ZNF730: variants seen among roughly 807,000 people sequenced by gnomAD.
The protein encoded by ZNF730 is putative zinc finger protein 730.
ZNF730 carries 12 observed loss-of-function variants against 12.6 expected under a neutral mutation model. That is an observed-to-expected ratio of 0.95 (90% CI 0.61 to 1.54). ZNF730 has a LOEUF of 1.54. ZNF730 is among the 40% of genes most tolerant of loss of function. The pLI, the probability that ZNF730 is intolerant of heterozygous loss-of-function variation, is 0.00. For missense variants in ZNF730, 643 were observed against 583.5 expected, an observed-to-expected ratio of 1.10 and a Z score of -1.05; for synonymous variants, 194 against 195.8, an observed-to-expected ratio of 0.99 and a Z score of 0.08.
chr19:23,087,618 C>CTTT (rs555576971), intron 1 of ZNF730, among the ~76,000 whole-genome samples: 2 of 135,774 alleles, frequency 1.5e-5, no homozygotes, highest in Admixed American at 7.5e-5. Flanking sequence ...TCTTTTCTTG[C>CTTT]TTTTTTTTTT....
intron 1 of ZNF730, among the ~76,000 whole-genome samples, chr19:23,093,886 G>A (rs1355359457): frequency 2.0e-5 from 3 of 152,240 alleles, no homozygotes; most frequent in Non-Finnish European, 4.4e-5. Flanking sequence ...CCTGTAGGGT[G>A]GACCCGCTGT....
intron 1 of ZNF730, among the ~76,000 whole-genome samples, chr19:23,101,213 T>C (rs73029436): frequency 0.16 from 8,190 of 52,792 alleles, 252 homozygotes; most frequent in Middle Eastern, 0.25. Flanking sequence ...CAGTAAAGAT[T>C]GTCATTCTCC....
At chr19:23,098,914 A>G (rs1599577388) in intron 1 of ZNF730, among the ~76,000 whole-genome samples, 1 of 152,170 alleles carries the variant, frequency 6.6e-6, no homozygotes, top group Non-Finnish European at 1.5e-5. Context: ...AGGCTTAGAA[A>G]AAGGGGTAAA....
chr19:23,142,932 T>C (rs1970946177), intron 3 of ZNF730, among the ~76,000 whole-genome samples: 1 of 151,938 alleles, frequency 6.6e-6, no homozygotes, highest in African/African-American at 2.4e-5. Flanking sequence ...ACCTTGGGGA[T>C]TACATAAAAC....
chr19:23,127,649 G>T, intron 1 of ZNF730: 1 of 1,145,132 alleles, frequency 8.7e-7, no homozygotes, highest in Non-Finnish European at 1.3e-6. Context: ...TGTGTGAATG[G>T]TGAATTTTAC....
chr19:23,139,623 C>G (rs1409054006), intron 3 of ZNF730, among the ~76,000 whole-genome samples: 1 of 152,154 alleles, frequency 6.6e-6, no homozygotes, highest in East Asian at 1.9e-4. Context: ...CTCCTGAATT[C>G]AAGCAATTCT....
chr19:23,110,741 T>C (rs1324640584), intron 1 of ZNF730, among the ~76,000 whole-genome samples: 1 of 152,244 alleles, frequency 6.6e-6, no homozygotes, highest in Non-Finnish European at 1.5e-5. Flanking sequence ...AGTTTGGGAT[T>C]AATTGTTTGG....
At chr19:23,097,181 C>T (rs921094533) in intron 1 of ZNF730, among the ~76,000 whole-genome samples, 1 of 152,142 alleles carries the variant, frequency 6.6e-6, no homozygotes, top group Admixed American at 6.6e-5. Flanking sequence ...TCACTGGGCC[C>T]AACAGCAACA....
At position 23,146,205 on chromosome 19, in the gene ZNF730, G is replaced by A. The variant is rs533304226; in HGVS notation, c.1161G>A (p.Lys387=). 4 of 1,609,898 alleles carry A rather than the reference G, an allele frequency of 2.5e-6. No homozygotes were observed. The highest frequency in any genetic ancestry group is 2.7e-5 in the African/African-American group (2 of 74,686). ...AATCCTCAACTCTTACTATACATAA[G>A]ATAATTCATACTGTAGAGAAATTTT... ...FNQSSTLTIH[K]IIHTVEKFYK... The change falls in exon 4 of 4, where the codon AAG becomes AAA. Residue 387 remains lysine, a synonymous_variant. Transcript: ENST00000597761.
rs553392655 is a variant in ZNF730, at chr19:23,126,678, A to G, written c.4-7402A>G. ...TTCCACTAGTTTTTTTTTTTTTCTG[A>G]ATGCAGCAATGCTTCTTGTCTTAAA... On this transcript the variant is annotated intron_variant, in intron 1 of 3. Coordinates refer to ENST00000597761, the MANE Select transcript of ZNF730 (RefSeq NM_001277403.2). The G allele has an allele frequency of 5.1e-4, 230 of 449,910 alleles. 4 individuals are homozygous for G. Among genetic ancestry groups the G allele is most frequent in the South Asian group, 1.6e-3 (89 of 55,052 alleles). The allele number at this position is 449,910 out of a possible 1,614,324, so 27.9% of individuals were successfully genotyped here.
intron 3 of ZNF730, among the ~76,000 whole-genome samples, chr19:23,139,817 G>A (rs984443035): frequency 6.6e-6 from 1 of 152,076 alleles, no homozygotes; most frequent in Non-Finnish European, 1.5e-5. Context: ...GAGCCACTGT[G>A]CTCAGCTGAC....
At chr19:23,085,823 C>A (rs915677464) in intron 1 of ZNF730, among the ~76,000 whole-genome samples, 3 of 130,382 alleles carry the variant, frequency 2.3e-5, no homozygotes, top group African/African-American at 9.5e-5. Flanking sequence ...CCTATTTCAC[C>A]CAATTTTTTT....
intron 2 of ZNF730, among the ~76,000 whole-genome samples, chr19:23,135,165 AT>A (rs1358032556): frequency 8.2e-6 from 1 of 121,558 alleles, no homozygotes; most frequent in Non-Finnish European, 1.6e-5. Context: ...TCCCTCCACT[AT>A]TGTCCTATGA....
At chr19:23,104,347 A>T (rs557291175) in intron 1 of ZNF730, among the ~76,000 whole-genome samples, 29 of 151,512 alleles carry the variant, frequency 1.9e-4, no homozygotes, top group African/African-American at 6.0e-4. Flanking sequence ...AGGAGCTAAA[A>T]TGTTCACAAA....
At chr19:23,116,162 A>T (rs1266450489), upstream of ZNF730, among the ~76,000 whole-genome samples, 1 of 152,184 alleles carries the variant, frequency 6.6e-6, no homozygotes, top group Non-Finnish European at 1.5e-5. Flanking sequence ...TTCATATCTA[A>T]CATTGGAGGT....
chr19:23,134,050 T>C (rs182033550), intron 1 of ZNF730, 30 bp from the exon 2 acceptor site: 266 of 1,610,898 alleles, frequency 1.7e-4, no homozygotes, highest in Non-Finnish European at 1.8e-4. Flanking sequence ...GGGCACTTGG[T>C]AAATATGTGT....
intron 1 of ZNF730, among the ~76,000 whole-genome samples, chr19:23,085,826 A>ATTTTTTTTTTTTTTTTTTTTT (rs1383951518): frequency 1.4e-5 from 1 of 72,546 alleles, no homozygotes. Flanking sequence ...ATTTCACCCA[A>ATTTTTTTTTTTTTTTTTTTTT]TTTTTTTTTC....
intron 1 of ZNF730, among the ~76,000 whole-genome samples, chr19:23,086,300 CTTTA>C (rs928386286): frequency 6.6e-6 from 1 of 152,082 alleles, no homozygotes; most frequent in African/African-American, 2.4e-5. Flanking sequence ...TGCAGAAGCT[CTTTA>C]GTTTAATTAG....
intron 3 of ZNF730, among the ~76,000 whole-genome samples, chr19:23,143,169 C>T (rs1439141706): frequency 5.9e-5 from 9 of 151,740 alleles, no homozygotes; most frequent in African/African-American, 7.3e-5. Flanking sequence ...GTGTGAACCC[C>T]GGGAGGCGGA....
Sources: gnomAD v4.1 joint callset for allele counts (sites outside exome capture counted in the v4.1 genomes callset) on GRCh38, gnomAD v4.1.1 for gene constraint, MANE v1.5 for transcripts, NCBI Gene and HGNC (gene_info 2026-07-23, HGNC 2026-07-21) for gene names.